Variants in FRMPD3 observed in about 807,000 individuals in gnomAD.
The protein encoded by FRMPD3 is FERM and PDZ domain-containing protein 3.
Under a neutral mutation model 97.9 loss-of-function variants are expected in FRMPD3, and 42 were observed. The observed-to-expected ratio is 0.43, with a 90% confidence interval of 0.34 to 0.55. The LOEUF (loss-of-function observed/expected upper bound fraction) is 0.55, where lower values mean the gene tolerates loss of function less well. Among genes scored for constraint, FRMPD3 ranks in the 20% least tolerant of loss-of-function variants. The pLI is 0.03. For synonymous variants in FRMPD3, 577 were observed against 581.1 expected (o/e 0.99, Z 0.10); for missense variants, 1,303 against 1,457.7 (o/e 0.89, Z 1.73).
intron 1 of FRMPD3, among the ~76,000 whole-genome samples, chrX:107,508,416 T>C (rs1265628841): frequency 8.9e-6 from 1 of 112,265 alleles, no homozygotes; most frequent in Non-Finnish European, 1.9e-5. Flanking sequence ...TAATTGCTAA[T>C]AGCAGTTACT....
chrX:107,517,290 G>A (rs1372241184), intron 1 of FRMPD3, among the ~76,000 whole-genome samples: 1 of 111,894 alleles, frequency 8.9e-6, no homozygotes, highest in Non-Finnish European at 1.9e-5. Flanking sequence ...ATGTAGACAG[G>A]GTAGTGTATA....
At chrX:107,509,585 C>T (rs777523620) in intron 1 of FRMPD3, among the ~76,000 whole-genome samples, 21 of 111,847 alleles carry the variant, frequency 1.9e-4, no homozygotes, top group Non-Finnish European at 3.6e-4. Flanking sequence ...GTGACTTAAA[C>T]ACCTAGAGGT....
chrX:107,496,606 A>G (rs2147526228), intron 1 of FRMPD3, among the ~76,000 whole-genome samples: 1 of 112,228 alleles, frequency 8.9e-6, no homozygotes, highest in East Asian at 2.8e-4. Context: ...TGGTAAAGCC[A>G]CTGTGATCAC....
chrX:107,572,198 G>T (rs774735674), intron 12 of FRMPD3, among the ~76,000 whole-genome samples: 4 of 111,884 alleles, frequency 3.6e-5, no homozygotes, highest in Non-Finnish European at 7.5e-5. Context: ...CTTGTTGGGT[G>T]GACAAAGCAG....
At chrX:107,480,696 G>T (rs1921321301) in intron 1 of FRMPD3, among the ~76,000 whole-genome samples, 1 of 107,796 alleles carries the variant, frequency 9.3e-6, no homozygotes, top group African/African-American at 3.4e-5. Flanking sequence ...AGATGTGGTG[G>T]CGGGTGCCTA....
chrX:107,597,426 G>A lies in FRMPD3; in HGVS notation c.1547G>A (p.Cys516Tyr). The A allele has an allele frequency of 8.3e-7, 1 of 1,210,836 alleles. No individual in the cohort carries two copies. The highest frequency in any genetic ancestry group is 3.0e-5 in the East Asian group (1 of 33,859). The change falls in exon 14 of 15, where the codon TGC becomes TAC. Residue 516 changes from cysteine to tyrosine, a missense_variant. Physicochemically the swap from Cys to Tyr is radical, Grantham distance 194. Around this residue, in one of 3 missense-constraint regions of FRMPD3, gnomAD observed 535 missense variants for 618.6 expected, o/e 0.86. Coordinates refer to ENST00000683843, the MANE Select transcript of FRMPD3 (RefSeq NM_001388459.1). The stretch of plus-strand genomic sequence containing the variant: ...ACCAGCCCCAGGAAATCGAGCCGCT[G>A]CACGCCCCCACCTGCCGACTCTGAG... ...VGTSPRKSSR[C>Y]TPPPADSELV...
At chrX:107,493,977 C>T (rs1422926321) in intron 1 of FRMPD3, among the ~76,000 whole-genome samples, 3 of 110,921 alleles carry the variant, frequency 2.7e-5, no homozygotes, top group Non-Finnish European at 5.7e-5. Flanking sequence ...AGATTGTCAC[C>T]ACACACCTTC....
At chrX:107,471,783 T>C (rs1409969029) in intron 1 of FRMPD3, among the ~76,000 whole-genome samples, 1 of 112,332 alleles carries the variant, frequency 8.9e-6, no homozygotes, top group Admixed American at 9.4e-5. Context: ...GTTTTTATAG[T>C]AGAATGATTT....
At chrX:107,525,133 G>A (rs1401331402) in intron 1 of FRMPD3, among the ~76,000 whole-genome samples, 1 of 111,121 alleles carries the variant, frequency 9.0e-6, no homozygotes, top group Non-Finnish European at 1.9e-5. Flanking sequence ...GGCTCTGCCT[G>A]GAACCATAAT....
intron 13 of FRMPD3, among the ~76,000 whole-genome samples, chrX:107,583,821 G>A (rs1459711264): frequency 9.3e-6 from 1 of 107,621 alleles, no homozygotes; most frequent in African/African-American, 3.4e-5. Flanking sequence ...GTTTTGATTT[G>A]CATTTCTCTA....
At chrX:107,508,351 C>T (rs750087514) in intron 1 of FRMPD3, among the ~76,000 whole-genome samples, 41 of 111,982 alleles carry the variant, frequency 3.7e-4, no homozygotes, top group African/African-American at 1.1e-3. Flanking sequence ...AAACCGAGTG[C>T]GCTATAACAA....
At chrX:107,490,643 G>C (rs1429321104) in intron 1 of FRMPD3, among the ~76,000 whole-genome samples, 1 of 111,643 alleles carries the variant, frequency 9.0e-6, no homozygotes. Flanking sequence ...CTGTTTGTCT[G>C]TTATTGGTGT....
At chrX:107,463,420 A>T (rs1293778201) in intron 1 of FRMPD3, among the ~76,000 whole-genome samples, 1 of 112,165 alleles carries the variant, frequency 8.9e-6, no homozygotes, top group Non-Finnish European at 1.9e-5. Context: ...AAGTTACTTA[A>T]CCTCTCTGAG....
chrX:107,574,031 G>A (rs187532853), intron 12 of FRMPD3, among the ~76,000 whole-genome samples: 23 of 112,387 alleles, frequency 2.0e-4, no homozygotes, highest in African/African-American at 7.4e-4. Flanking sequence ...TACAGAACCG[G>A]AACACATCTC....
intron 11 of FRMPD3, among the ~76,000 whole-genome samples, chrX:107,563,886 C>T (rs970382851): frequency 1.8e-5 from 2 of 112,100 alleles, no homozygotes; most frequent in African/African-American, 3.2e-5. Context: ...TGGGGCAGGG[C>T]ACAGCTGGTC....
chrX:107,596,291 C>T, intron 13 of FRMPD3, among the ~76,000 whole-genome samples: 1 of 111,829 alleles, frequency 8.9e-6, no homozygotes, highest in Middle Eastern at 4.2e-3. Flanking sequence ...TCTATGTAAC[C>T]TTAGGTGAGT....
At chrX:107,583,276 A>G (rs970886678) in intron 13 of FRMPD3, among the ~76,000 whole-genome samples, 3 of 106,911 alleles carry the variant, frequency 2.8e-5, no homozygotes, top group Non-Finnish European at 5.8e-5. Context: ...GTGTGTTGTT[A>G]CCCACCCTGT....
intron 1 of FRMPD3, among the ~76,000 whole-genome samples, chrX:107,499,969 G>A (rs1401886373): frequency 2.7e-5 from 3 of 111,901 alleles, no homozygotes; most frequent in African/African-American, 9.7e-5. Flanking sequence ...CAGGCCAAGA[G>A]TGGGGTGCCC....
intron 1 of FRMPD3, among the ~76,000 whole-genome samples, chrX:107,468,997 A>G (rs1203479783): frequency 1.8e-5 from 2 of 112,400 alleles, no homozygotes; most frequent in African/African-American, 6.5e-5. Context: ...AATCAGGAAG[A>G]TGATATATGG....
Sources: allele counts gnomAD v4.1 joint callset (sites outside exome capture counted in the v4.1 genomes callset), GRCh38; gene constraint gnomAD v4.1.1; regional missense constraint gnomAD v4.1.1; transcripts MANE v1.5; gene names NCBI Gene and HGNC (gene_info 2026-07-23, HGNC 2026-07-21).